Variants in DDAH1 observed in about 807,000 individuals in gnomAD.
DDAH1 encodes the protein N(G),N(G)-dimethylarginine dimethylaminohydrolase 1.
DDAH1 carries 19 observed loss-of-function variants against 28.8 expected under a neutral mutation model. The ratio of observed to expected loss-of-function variants is 0.66; its 90% CI spans 0.46 to 0.97. The LOEUF is 0.97. Ranked by LOEUF, DDAH1 falls within the 50% of genes least tolerant of loss-of-function variation. DDAH1 has a pLI of 0.00. For missense variants in DDAH1, 326 were observed against 375.9 expected (o/e 0.87, Z 1.10); for synonymous variants, 153 against 154.4 (o/e 0.99, Z 0.07).
intron 1 of DDAH1, among the ~76,000 whole-genome samples, chr1:85,566,083 A>AG (rs1436557600): frequency 6.0e-5 from 9 of 150,832 alleles, no homozygotes; most frequent in Non-Finnish European, 1.3e-4. Context: ...CTCTGTCTCA[A>AG]AAAAAAAAAC....
At chr1:85,377,627 A>C (rs1441883782) in intron 1 of DDAH1, among the ~76,000 whole-genome samples, 1 of 152,180 alleles carries the variant, frequency 6.6e-6, no homozygotes, top group East Asian at 1.9e-4. Context: ...TGTAAAAATC[A>C]AAGTGATTTA....
In DDAH1 at chr1:85,464,476, G is replaced by A; in HGVS notation, c.303+267C>T. On this transcript the variant is annotated intron_variant, in intron 1 of 5. Coordinates refer to ENST00000284031, the MANE Select transcript of DDAH1 (RefSeq NM_012137.4). This position sits in a 1 kb window ranked among gnomAD's most constrained non-coding sequence, Gnocchi z 4.4. ...TCACAAATAAAAATGCCCGTGAGACGGAATCCCCCGCCCACCCACCTGCCC... is the reference window on the plus strand; with the variant it reads ...TCACAAATAAAAATGCCCGTGAGACAGAATCCCCCGCCCACCCACCTGCCC... 11 of 1,516,116 alleles carry A rather than the reference G, an allele frequency of 7.3e-6. No homozygotes were observed. Among genetic ancestry groups the A allele is most frequent in the South Asian group, 1.2e-5 (1 of 83,046 alleles). 93.9% of individuals were successfully genotyped at this position (1,516,116 alleles called of 1,614,324 possible).
intron 1 of DDAH1, among the ~76,000 whole-genome samples, chr1:85,504,288 A>T (rs1656929314): frequency 6.6e-6 from 1 of 152,232 alleles, no homozygotes; most frequent in Non-Finnish European, 1.5e-5. Context: ...TGGCAGGGTC[A>T]TTGGCCTCAA....
chr1:85,393,111 G>A (rs1321107946), intron 1 of DDAH1, among the ~76,000 whole-genome samples: 6 of 152,038 alleles, frequency 3.9e-5, no homozygotes, highest in Non-Finnish European at 5.9e-5. Flanking sequence ...TCCCTCAAAC[G>A]AAATATTTAT....
At chr1:85,400,491 CTG>C (rs1387163737) in intron 1 of DDAH1, among the ~76,000 whole-genome samples, 1 of 152,068 alleles carries the variant, frequency 6.6e-6, no homozygotes, top group Non-Finnish European at 1.5e-5. Flanking sequence ...ACTTGAGCCA[CTG>C]TGCCTGGCCT....
At chr1:85,348,953 G>T (rs1649033484) in intron 4 of DDAH1, among the ~76,000 whole-genome samples, 1 of 152,026 alleles carries the variant, frequency 6.6e-6, no homozygotes, top group Admixed American at 6.6e-5. Context: ...ACAAATGCAT[G>T]GTATAGACCA....
rs185749065 is a variant in DDAH1, at chr1:85,448,230, C to A, written c.303+16513G>T. 2.0e-3 allele frequency: 323 copies of A among 160,170 alleles called. 2 individuals are homozygous for A. In the Middle Eastern group the frequency reaches 0.021, roughly 11 times the overall value. 9.9% of individuals were successfully genotyped at this position (160,170 alleles called of 1,614,324 possible). A position where few individuals can be genotyped will look rare whatever the true frequency, so the allele number is the denominator to read the frequency against. On this transcript the variant is annotated intron_variant, in intron 1 of 5. Coordinates refer to ENST00000284031, the MANE Select transcript of DDAH1 (RefSeq NM_012137.4). ...CTTCTTCCAATGTGGCCCAGGGAAGCCGAAAGATCGGACACCCCTATGTTA... is the reference window on the plus strand; with the variant it reads ...CTTCTTCCAATGTGGCCCAGGGAAGACGAAAGATCGGACACCCCTATGTTA...
intron 1 of DDAH1, among the ~76,000 whole-genome samples, chr1:85,523,749 G>A (rs1445890946): frequency 4.6e-5 from 7 of 152,224 alleles, no homozygotes. Flanking sequence ...CCTCATGTGG[G>A]AAGTGTGGGT....
chr1:85,466,042 C>T (rs139837192), upstream of DDAH1, among the ~76,000 whole-genome samples: 319 of 152,328 alleles, frequency 2.1e-3, 3 homozygotes, highest in African/African-American at 7.3e-3. Context: ...GGCCAAGGCC[C>T]AGGCTACAGC....
At chr1:85,514,550 T>C (rs1046132372) in intron 1 of DDAH1, among the ~76,000 whole-genome samples, 1 of 145,156 alleles carries the variant, frequency 6.9e-6, no homozygotes, top group African/African-American at 2.5e-5. Flanking sequence ...AAAGGCAAGG[T>C]AAATGTTTAG....
chr1:85,548,991 A>G (rs1658710662), intron 1 of DDAH1, among the ~76,000 whole-genome samples: 1 of 152,160 alleles, frequency 6.6e-6, no homozygotes, highest in Non-Finnish European at 1.5e-5. Context: ...CTACATAAAT[A>G]TTTTAAATAT....
intron 1 of DDAH1, among the ~76,000 whole-genome samples, chr1:85,428,007 A>T (rs1334065028): frequency 6.6e-6 from 1 of 152,190 alleles, no homozygotes; most frequent in Non-Finnish European, 1.5e-5. Context: ...TCCCAGTCTT[A>T]TTGGTTATAG....
intron 2 of DDAH1, among the ~76,000 whole-genome samples, chr1:85,357,379 A>G (rs1169090852): frequency 6.6e-6 from 1 of 152,192 alleles, no homozygotes; most frequent in Non-Finnish European, 1.5e-5. Flanking sequence ...GCGCCCCCAG[A>G]GCTGGCAACG....
chr1:85,373,452 G>C (rs1386699149), intron 1 of DDAH1, among the ~76,000 whole-genome samples: 1 of 152,026 alleles, frequency 6.6e-6, no homozygotes, highest in Admixed American at 6.6e-5. Flanking sequence ...TTGGATCATG[G>C]GGGTGGTTTC....
chr1:85,455,651 T>C (rs1654852038), intron 1 of DDAH1, among the ~76,000 whole-genome samples: 1 of 152,188 alleles, frequency 6.6e-6, no homozygotes, highest in Non-Finnish European at 1.5e-5. Flanking sequence ...TTACTCTCCA[T>C]TTCTTCAGGC....
At chr1:85,354,672 A>T (rs1649397352) in intron 2 of DDAH1, among the ~76,000 whole-genome samples, 1 of 152,148 alleles carries the variant, frequency 6.6e-6, no homozygotes, top group Non-Finnish European at 1.5e-5. Flanking sequence ...TTTTTAAAAA[A>T]AACCTCATTA....
chr1:85,496,905 T>C (rs1656612828), intron 1 of DDAH1, among the ~76,000 whole-genome samples: 1 of 152,194 alleles, frequency 6.6e-6, no homozygotes. Context: ...ACTAATACTA[T>C]AAAACTAATA....
intron 1 of DDAH1, among the ~76,000 whole-genome samples, chr1:85,548,395 C>G (rs1314689043): frequency 2.6e-5 from 4 of 152,222 alleles, no homozygotes; most frequent in Admixed American, 2.0e-4. Flanking sequence ...CATCTGACTC[C>G]AAAGCTTGTA....
chr1:85,408,172 T>C (rs1652494395), intron 1 of DDAH1, among the ~76,000 whole-genome samples: 1 of 152,198 alleles, frequency 6.6e-6, no homozygotes, highest in Non-Finnish European at 1.5e-5. Flanking sequence ...TACTTCCTGG[T>C]TTCTTTTGCC....
Sources: gnomAD v4.1 joint callset for allele counts (sites outside exome capture counted in the v4.1 genomes callset) on GRCh38, gnomAD v4.1.1 for gene constraint, Gnocchi (gnomAD v3.1) non-coding constraint, MANE v1.5 for transcripts, NCBI Gene and HGNC (gene_info 2026-07-23, HGNC 2026-07-21) for gene names.